The following MROH2B variants were observed in gnomAD, a reference collection of about 807,000 sequenced individuals.
MROH2B encodes maestro heat-like repeat-containing protein family member 2B.
In MROH2B, 177 loss-of-function variants were observed where a neutral mutation model predicts 208.6. The observed-to-expected ratio is 0.85, with a 90% confidence interval of 0.75 to 0.96. MROH2B has a LOEUF of 0.96. MROH2B is among the 40% of genes least tolerant of loss of function. The pLI is 0.00. For missense variants in MROH2B, 2,002 were observed against 1,878.7 expected (o/e 1.07, Z -1.21); for synonymous variants, 728 against 659.0 (o/e 1.10, Z -1.60).
chr5:41,033,795 ATCTATCTATCTATCTATCTATCTATC>A lies in MROH2B; in HGVS notation c.2241+17_2241+42del, dbSNP rs1324556152. ...TCAGGGGGGCATTATCTATCTATCT[ATCTATCTATCTATCTATCTATCTATC>A]TATCTATCTCTCCTACCTTGTTCAT... On this transcript the variant is annotated intron_variant, in intron 22 of 41. Coordinates refer to ENST00000399564, the MANE Select transcript of MROH2B (RefSeq NM_173489.5). 1 of 1,119,458 alleles carries A rather than the reference ATCTATCTATCTATCTATCTATCTATC, an allele frequency of 8.9e-7. No individual in the cohort carries two copies. The highest frequency in any genetic ancestry group is 2.7e-5 in the East Asian group (1 of 37,298). The allele number at this position is 1,119,458 out of a possible 1,614,324, so 69.3% of individuals were successfully genotyped here.
chr5:41,020,501 G>A (rs1363147086), intron 24 of MROH2B, among the ~76,000 whole-genome samples: 1 of 152,164 alleles, frequency 6.6e-6, no homozygotes, highest in Non-Finnish European at 1.5e-5. Context: ...GTTTCTCCCA[G>A]TAGGCTGAAA....
At chr5:41,030,165 A>G (rs776676463) in intron 24 of MROH2B, among the ~76,000 whole-genome samples, 2 of 152,086 alleles carry the variant, frequency 1.3e-5, no homozygotes, top group Non-Finnish European at 2.9e-5. Context: ...TTGAGTAGAC[A>G]TTTCTCCAAA....
At chr5:41,033,939 T>A (rs1742669155) in intron 21 of MROH2B, 75 bp from the exon 22 acceptor site, 1 of 1,456,482 alleles carries the variant, frequency 6.9e-7, no homozygotes. Flanking sequence ...ACAAAAGGAC[T>A]CACCCATCAA....
intron 33 of MROH2B, among the ~76,000 whole-genome samples, 183 bp downstream of exon 33, chr5:41,008,423 T>C (rs1170910302): frequency 6.6e-6 from 1 of 152,198 alleles, no homozygotes; most frequent in African/African-American, 2.4e-5. Flanking sequence ...GTAGCTACAC[T>C]GGATACTGGC....
intron 3 of MROH2B, 57 bp from the exon 4 acceptor site, chr5:41,065,547 T>G (rs1743777232): frequency 7.0e-7 from 1 of 1,432,398 alleles, no homozygotes; most frequent in African/African-American, 1.4e-5. Flanking sequence ...AGTGAGTCTA[T>G]GGAGGGGAAC....
chr5:41,004,965 C>G (rs747332077), intron 35 of MROH2B, 45 bp from the exon 36 acceptor site: 18 of 1,597,782 alleles, frequency 1.1e-5, no homozygotes, highest in Non-Finnish European at 1.5e-5. Context: ...AGGGCGTGGC[C>G]CCTCCTTCAG....
chr5:41,026,493 C>G (rs550980626), intron 24 of MROH2B, among the ~76,000 whole-genome samples: 1 of 151,730 alleles, frequency 6.6e-6, no homozygotes, highest in Non-Finnish European at 1.5e-5. Context: ...TGTGAAGGAC[C>G]TCTTCAAGGA....
At chr5:41,039,303 A>G (rs1579938727) in intron 20 of MROH2B, 145 bp downstream of exon 20, 4 of 559,348 alleles carry the variant, frequency 7.2e-6, no homozygotes, top group African/African-American at 3.8e-5. Flanking sequence ...TAATCATCCT[A>G]TAAAGACTGG....
At chr5:41,045,896 A>G (rs1743104663) in intron 17 of MROH2B, 43 bp from the exon 18 acceptor site, 3 of 1,408,218 alleles carry the variant, frequency 2.1e-6, no homozygotes, top group Non-Finnish European at 3.0e-6. Flanking sequence ...TGACCGTTTC[A>G]TGTGCTTTCT....
At chr5:41,064,597 AGTGTTATTTATCTT>A in intron 4 of MROH2B, 27 bp from the exon 5 acceptor site, 7 of 1,572,414 alleles carry the variant, frequency 4.5e-6, no homozygotes, top group Non-Finnish European at 6.1e-6. Flanking sequence ...AAAGGAGACA[AGTGTTATTTATCTT>A]CTCAAATTTG....
intron 12 of MROH2B, among the ~76,000 whole-genome samples, chr5:41,052,107 C>T (rs573590704): frequency 4.9e-4 from 74 of 151,960 alleles, no homozygotes; most frequent in African/African-American, 1.7e-3. Flanking sequence ...GTCTCTGTGT[C>T]CCTCTCCAGA....
chr5:41,025,258 A>G (rs965015016), intron 24 of MROH2B, among the ~76,000 whole-genome samples: 15 of 152,168 alleles, frequency 9.9e-5, no homozygotes, highest in Non-Finnish European at 1.9e-4. Context: ...TGGTTTTTTG[A>G]AAAGATCAAC....
Position 41,016,049 on chromosome 5 carries a change from C to T in MROH2B, c.2885-571G>A, listed in dbSNP as rs528797547. On this transcript the variant is annotated intron_variant, in intron 28 of 41. Transcript: ENST00000399564. ...TTAATCATGGAAACTAACACATGAA[C>T]CATTCTATGGAAGGCAGCCTAGCCC... 2.3e-3 allele frequency among the ~76,000 whole-genome samples: 349 copies of T among 152,258 alleles called. 2 individuals carry two copies. The highest frequency in any genetic ancestry group is 8.0e-3 in the African/African-American group (332 of 41,548).
At chr5:41,052,443 C>T in intron 12 of MROH2B, 22 bp downstream of exon 12, 1 of 1,596,572 alleles carries the variant, frequency 6.3e-7, no homozygotes, top group East Asian at 2.3e-5. Flanking sequence ...GTGCATCACT[C>T]AAAACTGTAG....
rs377423987 is a variant in MROH2B, at chr5:41,039,456, G to A, written c.2053C>T (p.Arg685Ter). The change falls in exon 20 of 42, where the codon CGA (arginine) becomes TGA (stop). Residue 685 changes from arginine to a stop codon, truncating the protein, a stop_gained. Transcript: ENST00000399564. LOFTEE classifies it high-confidence loss of function. The part of the protein sequence containing the change: ...FQNQEKFFMN[R>*]CKSLFSGKKS... ...GAGATGATTCTTCTTACCTTACATC[G>A]ATTCATGAAAAACTTTTCCTGATTT... is the stretch of plus-strand genomic sequence containing the variant. 89 of 1,576,512 alleles carry A rather than the reference G, an allele frequency of 5.6e-5. No individual in the cohort carries two copies. Among genetic ancestry groups the A allele is most frequent in the Middle Eastern group, 1.7e-4 (1 of 5,964 alleles).
chr5:41,055,639 A>G, intron 10 of MROH2B, 103 bp downstream of exon 10: 4 of 776,526 alleles, frequency 5.2e-6, no homozygotes, highest in Non-Finnish European at 8.6e-6. Flanking sequence ...ACGTGATGTT[A>G]TATAAGCATC....
chr5:41,058,227 C>G, intron 6 of MROH2B, 24 bp from the exon 7 acceptor site: 1 of 1,470,270 alleles, frequency 6.8e-7, no homozygotes, highest in East Asian at 2.6e-5. Context: ...AAACAAATAC[C>G]GTTTCTGAAA....
At chr5:41,052,369 A>T (rs886333974) in intron 12 of MROH2B, 96 bp downstream of exon 12, 25 of 1,236,610 alleles carry the variant, frequency 2.0e-5, no homozygotes, top group Non-Finnish European at 2.4e-5. Flanking sequence ...TACTCCTGTG[A>T]CAGATTAAGG....
Position 41,005,545 on chromosome 5 carries a change from C to CT in MROH2B, c.3849dup (p.Ala1284SerfsTer5), listed in dbSNP as rs767422850. The CT allele has an allele frequency of 1.1e-5, 18 of 1,601,872 alleles. No individual in the cohort carries two copies. Among genetic ancestry groups the CT allele is most frequent in the Non-Finnish European group, 1.5e-5 (18 of 1,174,160 alleles). Reference sequence around the variant, plus strand: ...TTCTCCCTTGCCTCAGAGAAGAAAGCTGCGCCGGTTATCCGGTAGTTCTCC... The same window carrying CT: ...TTCTCCCTTGCCTCAGAGAAGAAAGCTTGCGCCGGTTATCCGGTAGTTCTCC... On this transcript the variant is annotated frameshift_variant, in exon 35 of 42. Transcript: ENST00000399564. LOFTEE classifies it high-confidence loss of function.
Sources: allele counts gnomAD v4.1 joint callset (sites outside exome capture counted in the v4.1 genomes callset), GRCh38; gene constraint gnomAD v4.1.1; transcripts MANE v1.5; gene names NCBI Gene and HGNC (gene_info 2026-07-23, HGNC 2026-07-21).